The following PCDHA11 variants were observed in gnomAD, a reference collection of about 807,000 sequenced individuals.
PCDHA11 encodes protocadherin alpha 11.
Under a neutral mutation model 70.3 loss-of-function variants are expected in PCDHA11, and 61 were observed. The ratio of observed to expected loss-of-function variants is 0.87; its 90% CI spans 0.71 to 1.07. The LOEUF (loss-of-function observed/expected upper bound fraction) is 1.07, where lower values mean the gene tolerates loss of function less well. Ranked by LOEUF, PCDHA11 falls within the 50% of genes least tolerant of loss-of-function variation. The pLI, the probability that PCDHA11 is intolerant of heterozygous loss-of-function variation, is 0.00. For synonymous variants in PCDHA11, 633 were observed against 555.1 expected (o/e 1.14, Z -1.97); for missense variants, 1,324 against 1,237.5 (o/e 1.07, Z -1.05).
At chr5:140,978,473 T>C (rs1401475037) in intron 1 of PCDHA11, among the ~76,000 whole-genome samples, 1 of 152,238 alleles carries the variant, frequency 6.6e-6, no homozygotes, top group Non-Finnish European at 1.5e-5. Flanking sequence ...TCAAATATGC[T>C]GCAGTCTGCA....
chr5:140,870,344 G>C lies in PCDHA11; in HGVS notation c.1241G>C (p.Arg414Pro). 1 of 1,614,196 alleles carries C rather than the reference G, an allele frequency of 6.2e-7. No individual in the cohort carries two copies. Among genetic ancestry groups the C allele is most frequent in the Non-Finnish European group, 8.5e-7 (1 of 1,180,030 alleles). The change falls in exon 1 of 4, where the codon CGC (arginine) becomes CCC (proline). Residue 414 changes from arginine (R) to proline (P), a missense_variant. Physicochemically the swap from Arg to Pro is moderately radical, Grantham distance 103. Transcript: ENST00000398640. ...YSLVLDSALD[R>P]ENVWAYELVV... The stretch of plus-strand genomic sequence containing the variant: ...TTGGTGCTGGACAGCGCCCTGGACC[G>C]CGAGAACGTGTGGGCCTATGAACTG...
rs146340581 is a variant in PCDHA11, at chr5:140,957,263, C to T, written c.2392-21686C>T. On this transcript the variant is annotated intron_variant, in intron 1 of 3. Transcript: ENST00000398640. ...TCTACCTAAAATTTAAATATGTAAG[C>T]ACTAGTCCCCCCTTACCTGCAGTTT... Among the ~76,000 whole-genome samples, 73 of 152,260 alleles carry T rather than the reference C, an allele frequency of 4.8e-4. No homozygotes were observed. In the East Asian group the frequency reaches 0.01, roughly 22 times the overall value.
intron 1 of PCDHA11, among the ~76,000 whole-genome samples, chr5:140,964,239 GTTGGC>G (rs2095819198): frequency 6.6e-6 from 1 of 152,180 alleles, no homozygotes; most frequent in African/African-American, 2.4e-5. Context: ...GGCTGATTGT[GTTGGC>G]TTTATATTTG....
At chr5:140,927,248 A>G in intron 1 of PCDHA11, 1 of 1,614,064 alleles carries the variant, frequency 6.2e-7, no homozygotes. Flanking sequence ...GACACCAATG[A>G]CAACTCACCT....
At chr5:140,874,958 A>G (rs2055195313) in intron 1 of PCDHA11, among the ~76,000 whole-genome samples, 1 of 152,242 alleles carries the variant, frequency 6.6e-6, no homozygotes, top group South Asian at 2.1e-4. Flanking sequence ...TGTAAGCTAT[A>G]TAAGGGGAGG....
intron 2 of PCDHA11, among the ~76,000 whole-genome samples, chr5:140,981,831 G>A (rs2096952818): frequency 6.6e-6 from 1 of 152,006 alleles, no homozygotes; most frequent in African/African-American, 2.4e-5. Flanking sequence ...TGCCTCTAAA[G>A]GTCTCCCAGT....
chr5:140,890,565 T>C (rs1381687393), intron 1 of PCDHA11, among the ~76,000 whole-genome samples: 1 of 152,194 alleles, frequency 6.6e-6, no homozygotes, highest in Non-Finnish European at 1.5e-5. Context: ...TATTGTTCCA[T>C]TTCCTTCTGT....
chr5:140,901,459 C>G (rs528238941), intron 1 of PCDHA11, among the ~76,000 whole-genome samples: 1 of 152,160 alleles, frequency 6.6e-6, no homozygotes, highest in South Asian at 2.1e-4. Flanking sequence ...CACAGACTGT[C>G]TTTTCTCGAG....
At chr5:140,934,899 T>G (rs1320708660) in intron 1 of PCDHA11, among the ~76,000 whole-genome samples, 2 of 152,184 alleles carry the variant, frequency 1.3e-5, no homozygotes, top group Non-Finnish European at 2.9e-5. Flanking sequence ...AACCTTTTAT[T>G]TTGGAATAAT....
Position 140,869,973 on chromosome 5 carries a change from C to T in PCDHA11, c.870C>T (p.His290=), listed in dbSNP as rs782664221. The part of the protein sequence containing the change: ...SLMSIKPNGR[H]LFTLDQNNGE... The stretch of plus-strand genomic sequence containing the variant: ...TGTCAATTAAGCCCAATGGAAGACA[C>T]TTATTTACACTAGATCAAAATAATG... The change falls in exon 1 of 4, where the codon CAC becomes CAT. Residue 290 remains histidine, a synonymous_variant. Coordinates refer to ENST00000398640, the MANE Select transcript of PCDHA11 (RefSeq NM_018902.5). 3.0e-5 allele frequency: 48 copies of T among 1,613,102 alleles called. No individual in the cohort carries two copies. In the East Asian group the frequency reaches 1.0e-3, roughly 34 times the overall value.
At chr5:140,929,972 G>A (rs2086500191) in intron 1 of PCDHA11, 1 of 152,084 alleles carries the variant, frequency 6.6e-6, no homozygotes, top group South Asian at 2.1e-4. Flanking sequence ...TTTTGGTGAA[G>A]GTGTCTTCTT....
At chr5:140,987,956 C>T (rs1270495363) in intron 3 of PCDHA11, among the ~76,000 whole-genome samples, 2 of 152,144 alleles carry the variant, frequency 1.3e-5, no homozygotes, top group African/African-American at 4.8e-5. Flanking sequence ...ACAAAACCAA[C>T]TCCCCATGGA....
chr5:141,006,361 A>G (rs1384420854), intron 3 of PCDHA11, among the ~76,000 whole-genome samples: 3 of 151,846 alleles, frequency 2.0e-5, no homozygotes, highest in African/African-American at 7.3e-5. Context: ...ATAGGCGCCC[A>G]CCACCACGCC....
intron 1 of PCDHA11, among the ~76,000 whole-genome samples, chr5:140,933,345 A>G (rs1257404732): frequency 6.6e-6 from 1 of 151,960 alleles, no homozygotes; most frequent in Non-Finnish European, 1.5e-5. Flanking sequence ...AAAGATAAAC[A>G]CTTTATTTCT....
intron 1 of PCDHA11, among the ~76,000 whole-genome samples, chr5:140,937,247 C>T (rs1370735573): frequency 6.6e-6 from 1 of 151,974 alleles, no homozygotes; most frequent in Non-Finnish European, 1.5e-5. Context: ...CCGTGTTAGC[C>T]AGGATGGTCT....
At chr5:140,954,086 C>T (rs2094976679) in intron 1 of PCDHA11, among the ~76,000 whole-genome samples, 1 of 152,212 alleles carries the variant, frequency 6.6e-6, no homozygotes, top group African/African-American at 2.4e-5. Context: ...CTTCCAGCTC[C>T]ATCCATGTCC....
intron 3 of PCDHA11, among the ~76,000 whole-genome samples, chr5:140,991,081 AAAATT>A (rs782742337): frequency 6.6e-6 from 1 of 152,236 alleles, no homozygotes. Flanking sequence ...TTCAGATAAA[AAAATT>A]AAAGCTCATA....
chr5:140,892,158 T>A (rs1442080527), intron 1 of PCDHA11, among the ~76,000 whole-genome samples: 2 of 152,242 alleles, frequency 1.3e-5, no homozygotes, highest in Non-Finnish European at 2.9e-5. Context: ...ATTTCTGATA[T>A]GTCCAGTAAC....
At chr5:140,925,641 T>TATAATA (rs10569930) in intron 1 of PCDHA11, among the ~76,000 whole-genome samples, 37,208 of 143,074 alleles carry the variant, frequency 0.26, 4,933 homozygotes, top group Middle Eastern at 0.29. Context: ...GAACTTAAAG[T>TATAATA]ATAATAATAA....
Sources: allele counts gnomAD v4.1 joint callset (sites outside exome capture counted in the v4.1 genomes callset), GRCh38; gene constraint gnomAD v4.1.1; transcripts MANE v1.5; gene names NCBI Gene and HGNC (gene_info 2026-07-23, HGNC 2026-07-21).